SUMF1: variants seen among roughly 807,000 people sequenced by gnomAD.
The protein encoded by SUMF1 is sulfatase modifying factor 1.
A neutral mutation model predicts 47.6 loss-of-function variants in SUMF1; 48 were observed. That is an observed-to-expected ratio of 1.01 (90% CI 0.80 to 1.28). SUMF1 has a LOEUF of 1.28. Ranked by LOEUF, SUMF1 falls within the 50% of genes most tolerant of loss-of-function variation. The probability of loss-of-function intolerance (pLI) is 0.00; values close to 1 mark genes in which losing one functional copy is unlikely to be tolerated. For synonymous variants in SUMF1, 230 were observed against 192.1 expected, an observed-to-expected ratio of 1.20 and a Z score of -1.63; for missense variants, 571 against 485.4, an observed-to-expected ratio of 1.18 and a Z score of -1.66.
chr3:4,352,731 TAA>T (rs34628235), intron 8 of SUMF1, among the ~76,000 whole-genome samples: 1,443 of 108,174 alleles, frequency 0.013, 20 homozygotes, highest in African/African-American at 0.035. Context: ...TTGCTGCGTG[TAA>T]AAAAAAAAAA....
intron 9 of SUMF1, among the ~76,000 whole-genome samples, chr3:4,041,586 T>G (rs958269917): frequency 6.6e-5 from 10 of 152,152 alleles, no homozygotes; most frequent in African/African-American, 2.2e-4. Flanking sequence ...TTGTCCCAGA[T>G]AGCTGGCATA....
chr3:4,074,469 AG>A, intron 8 of SUMF1, among the ~76,000 whole-genome samples: 1 of 152,262 alleles, frequency 6.6e-6, no homozygotes, highest in East Asian at 1.9e-4. Context: ...AGCTAGCAGA[AG>A]GCAAGAAATA....
intron 9 of SUMF1, among the ~76,000 whole-genome samples, chr3:4,062,864 T>C (rs1250010457): frequency 7.9e-5 from 12 of 152,126 alleles, no homozygotes. Flanking sequence ...CTGCTTTAGA[T>C]AACAGGGAAG....
intron 8 of SUMF1, among the ~76,000 whole-genome samples, chr3:4,299,486 AT>A (rs1231882938): frequency 5.3e-5 from 8 of 152,358 alleles, no homozygotes; most frequent in African/African-American, 1.9e-4. Context: ...TATTATGGGT[AT>A]TAATGAATTT....
intron 8 of SUMF1, among the ~76,000 whole-genome samples, chr3:4,279,588 T>G (rs187369092): frequency 9.9e-4 from 150 of 152,130 alleles, no homozygotes; most frequent in Non-Finnish European, 1.6e-3. Context: ...GGAGATGCCA[T>G]TGAGCTGGGA....
chr3:4,316,156 ATTTC>A, intron 8 of SUMF1: 2 of 627,800 alleles, frequency 3.2e-6, no homozygotes, highest in Non-Finnish European at 5.8e-6. Context: ...TTTAATGAGC[ATTTC>A]TTTATGTTTT....
intron 8 of SUMF1, among the ~76,000 whole-genome samples, chr3:4,351,126 C>G (rs1157537847): frequency 6.6e-6 from 1 of 152,322 alleles, no homozygotes; most frequent in South Asian, 2.1e-4. Flanking sequence ...CAATGTGATT[C>G]AGCCTTTGGC....
intron 8 of SUMF1, among the ~76,000 whole-genome samples, chr3:4,296,716 G>C (rs1697860309): frequency 1.3e-5 from 2 of 151,976 alleles, no homozygotes; most frequent in South Asian, 4.1e-4. Flanking sequence ...GATTTGGATG[G>C]GAACACAGCG....
chr3:4,193,534 T>G (rs1695365950), intron 8 of SUMF1, among the ~76,000 whole-genome samples: 1 of 152,138 alleles, frequency 6.6e-6, no homozygotes, highest in Non-Finnish European at 1.5e-5. Context: ...TTGTAGAGTC[T>G]GTGCCAACTC....
At chr3:4,114,670 T>A (rs750089115) in intron 8 of SUMF1, among the ~76,000 whole-genome samples, 9 of 152,144 alleles carry the variant, frequency 5.9e-5, no homozygotes, top group Non-Finnish European at 1.2e-4. Flanking sequence ...AAGGAGAGGC[T>A]AAACTGGAGG....
At chr3:4,052,350 G>A (rs1695126592) in intron 9 of SUMF1, among the ~76,000 whole-genome samples, 1 of 152,092 alleles carries the variant, frequency 6.6e-6, no homozygotes, top group Non-Finnish European at 1.5e-5. Context: ...ATATAAATTT[G>A]GCAAGGACAC....
At chr3:4,418,174 G>A in intron 4 of SUMF1, 42 bp from the exon 5 acceptor site, 1 of 1,613,254 alleles carries the variant, frequency 6.2e-7, no homozygotes, top group East Asian at 2.2e-5. Flanking sequence ...ACACCAATCA[G>A]AACAAGAAGC....
chr3:4,361,803 G>T lies in SUMF1; in HGVS notation c.*341C>A, dbSNP rs1454803532. On this transcript the variant is annotated 3_prime_UTR_variant, in exon 9 of 9. Coordinates refer to ENST00000272902, the MANE Select transcript of SUMF1 (RefSeq NM_182760.4). ...GGGAGGGCACTTGAGGCCCAGGAAG[G>T]TCAAGCGTCGGACCTGGGGTCTAAC... 2 of 326,258 alleles carry T rather than the reference G, an allele frequency of 6.1e-6. No individual in the cohort carries two copies. Among genetic ancestry groups the T allele is most frequent in the Non-Finnish European group, 1.2e-5 (2 of 169,728 alleles). 20.2% of individuals were successfully genotyped at this position (326,258 alleles called of 1,614,324 possible). A position where few individuals can be genotyped will look rare whatever the true frequency, so the allele number is the denominator to read the frequency against.
chr3:4,335,614 A>T (rs1699130764), intron 8 of SUMF1, among the ~76,000 whole-genome samples: 2 of 152,138 alleles, frequency 1.3e-5, no homozygotes, highest in Non-Finnish European at 2.9e-5. Context: ...AAGCTCCCAG[A>T]CCTCAGCAAA....
chr3:4,035,163 A>G (rs1694770993), intron 9 of SUMF1, among the ~76,000 whole-genome samples: 1 of 152,188 alleles, frequency 6.6e-6, no homozygotes, highest in Admixed American at 6.5e-5. Flanking sequence ...TCAAAATGAA[A>G]TAGGCTATGC....
At chr3:4,412,952 G>C (rs1435763394) in intron 6 of SUMF1, among the ~76,000 whole-genome samples, 1 of 152,114 alleles carries the variant, frequency 6.6e-6, no homozygotes, top group Non-Finnish European at 1.5e-5. Context: ...CAGACTTATA[G>C]AGCACAGGTG....
intron 8 of SUMF1, among the ~76,000 whole-genome samples, chr3:4,134,166 T>A (rs1019543876): frequency 6.6e-6 from 1 of 152,146 alleles, no homozygotes; most frequent in African/African-American, 2.4e-5. Context: ...AGAATATACA[T>A]TCCTTTCAGC....
chr3:4,346,068 C>T (rs1005375326), intron 8 of SUMF1, among the ~76,000 whole-genome samples: 1 of 152,058 alleles, frequency 6.6e-6, no homozygotes, highest in African/African-American at 2.4e-5. Context: ...GACTCCCACA[C>T]AATAATAGTG....
chr3:4,386,895 G>A (rs1418337552), intron 7 of SUMF1, among the ~76,000 whole-genome samples: 1 of 149,278 alleles, frequency 6.7e-6, no homozygotes, highest in Non-Finnish European at 1.5e-5. Context: ...TTCTTATTAT[G>A]GTAGATTACA....
Sources: gnomAD v4.1 joint callset for allele counts (sites outside exome capture counted in the v4.1 genomes callset) on GRCh38, gnomAD v4.1.1 for gene constraint, MANE v1.5 for transcripts, NCBI Gene and HGNC (gene_info 2026-07-23, HGNC 2026-07-21) for gene names.